Variants in SLC24A2 observed in about 807,000 individuals in gnomAD.
SLC24A2 encodes solute carrier family 24 member 2.
In SLC24A2, 36 loss-of-function variants were observed where a neutral mutation model predicts 62.0. The observed-to-expected ratio is 0.58, with a 90% CI of 0.44 to 0.77. The LOEUF (loss-of-function observed/expected upper bound fraction) is 0.77. Among genes scored for constraint, SLC24A2 ranks in the 30% least tolerant of loss-of-function variants. The probability of loss-of-function intolerance (pLI) is 0.00; values close to 1 mark genes in which losing one functional copy is unlikely to be tolerated. For synonymous variants in SLC24A2, 358 were observed against 294.0 expected (o/e 1.22, Z -2.23); for missense variants, 846 against 817.9 (o/e 1.03, Z -0.42).
At chr9:19,815,396 T>C in the SLC24A2 span, among the ~76,000 whole-genome samples, 1 of 152,178 alleles carries the variant, frequency 6.6e-6, no homozygotes, top group East Asian at 1.9e-4. Flanking sequence ...AGATTTTGTG[T>C]TCATTGGATG....
At chr9:20,156,954 G>A in the SLC24A2 span, among the ~76,000 whole-genome samples, 1 of 151,752 alleles carries the variant, frequency 6.6e-6, no homozygotes, top group Non-Finnish European at 1.5e-5. Context: ...TTCCAATTAA[G>A]AGTGGTTATC....
Position 19,786,790 on chromosome 9 carries a change from C to A in SLC24A2, c.77G>T (p.Arg26Ile). 6.2e-7 allele frequency: 1 copy of A among 1,608,648 alleles called. No individual in the cohort carries two copies. The highest frequency in any genetic ancestry group is 1.1e-5 in the South Asian group (1 of 90,038). Reference protein sequence around the residue: ...CLDESLSGCRRHYSVKKKLKL... With the variant: ...CLDESLSGCRIHYSVKKKLKL... ...CAGTTTTTTCTTGACACTATAATGT[C>A]TTCTGCAGCCAGACAGTGACTCATC... Residue 26 changes from arginine (R) to isoleucine (I), a missense_variant, in exon 2 of 11, where the codon AGA becomes ATA. Physicochemically the swap from Arg to Ile is moderately conservative, Grantham distance 97. Coordinates refer to ENST00000341998, the MANE Select transcript of SLC24A2 (RefSeq NM_020344.4). The surrounding 1 kb of genome is among the most constrained non-coding windows in gnomAD (Gnocchi z 5.0).
the SLC24A2 span, among the ~76,000 whole-genome samples, chr9:20,112,402 A>T: frequency 2.0e-5 from 3 of 152,234 alleles, no homozygotes; most frequent in Non-Finnish European, 4.4e-5. Flanking sequence ...ATGTATGCAG[A>T]TAGACTTAAA....
intron 2 of SLC24A2, among the ~76,000 whole-genome samples, chr9:19,739,497 A>C (rs2118757947): frequency 6.6e-6 from 1 of 152,344 alleles, no homozygotes; most frequent in African/African-American, 2.4e-5. Flanking sequence ...AAACAGAGAA[A>C]CCAGAAACAA....
the SLC24A2 span, among the ~76,000 whole-genome samples, chr9:20,176,464 G>A: frequency 6.6e-6 from 1 of 151,966 alleles, no homozygotes; most frequent in Non-Finnish European, 1.5e-5. Context: ...TAAAGGTTTT[G>A]GAGAGTAATA....
intron 2 of SLC24A2, among the ~76,000 whole-genome samples, chr9:19,740,504 G>A (rs1821641966): frequency 6.6e-6 from 1 of 152,152 alleles, no homozygotes; most frequent in Non-Finnish European, 1.5e-5. Context: ...ATCCACATAT[G>A]CAAAGTTCAC....
intron 2 of SLC24A2, among the ~76,000 whole-genome samples, chr9:19,629,853 G>A (rs368467906): frequency 6.6e-6 from 1 of 152,182 alleles, no homozygotes; most frequent in African/African-American, 2.4e-5. Flanking sequence ...GGTGTTTAAA[G>A]CTTCAGTGGG....
At chr9:19,884,833 G>A in the SLC24A2 span, among the ~76,000 whole-genome samples, 1 of 152,282 alleles carries the variant, frequency 6.6e-6, no homozygotes, top group East Asian at 1.9e-4. Context: ...TAAGTACCCT[G>A]AGCATGTTTA....
chr9:20,017,004 A>T, the SLC24A2 span, among the ~76,000 whole-genome samples: 1 of 152,224 alleles, frequency 6.6e-6, no homozygotes, highest in East Asian at 1.9e-4. Context: ...AAATAAAAAT[A>T]AATTAATCCT....
At chr9:20,182,381 A>C in the SLC24A2 span, among the ~76,000 whole-genome samples, 1 of 152,266 alleles carries the variant, frequency 6.6e-6, no homozygotes, top group East Asian at 1.9e-4. Flanking sequence ...ACTTGGAACC[A>C]ACCTAAATGT....
At chr9:19,904,530 T>G in the SLC24A2 span, among the ~76,000 whole-genome samples, 1 of 152,182 alleles carries the variant, frequency 6.6e-6, no homozygotes, top group Non-Finnish European at 1.5e-5. Context: ...AAACTAAATT[T>G]TCTTTGCCCA....
chr9:20,111,684 T>G, the SLC24A2 span, among the ~76,000 whole-genome samples: 6 of 152,076 alleles, frequency 3.9e-5, no homozygotes, highest in Non-Finnish European at 8.8e-5. Context: ...CCCAAAGGAC[T>G]GGGATGGACA....
intron 8 of SLC24A2, among the ~76,000 whole-genome samples, chr9:19,541,925 C>T (rs1407094386): frequency 6.6e-6 from 1 of 152,208 alleles, no homozygotes; most frequent in African/African-American, 2.4e-5. Context: ...GTTTTTCAAG[C>T]CGGTCTGAAA....
In SLC24A2 at chr9:19,550,218, T is replaced by C. The variant is rs1466843895; in HGVS notation, c.1398A>G (p.Glu466=). The C allele has an allele frequency of 6.2e-7, 1 of 1,614,136 alleles. No homozygotes were observed. Among genetic ancestry groups the C allele is most frequent in the Non-Finnish European group, 8.5e-7 (1 of 1,180,004 alleles). The stretch of plus-strand genomic sequence containing the variant: ...TCAGAAACGTGACTTGCTTGCGGGT[T>C]TCAGAAGGCCAGGCAAGGCTGAGAG... ...DQPLSLAWPS[E]TRKQVTFLIV... Residue 466 remains glutamate, a synonymous_variant, in exon 8 of 11, where the codon GAA becomes GAG. Transcript: ENST00000341998.
chr9:20,190,181 G>A, the SLC24A2 span, among the ~76,000 whole-genome samples: 1 of 152,158 alleles, frequency 6.6e-6, no homozygotes, highest in Admixed American at 6.5e-5. Flanking sequence ...TGCTCTGCTG[G>A]TATCTTTGTT....
intron 2 of SLC24A2, among the ~76,000 whole-genome samples, chr9:19,691,449 G>A (rs1329939404): frequency 2.0e-5 from 3 of 152,112 alleles, no homozygotes. Context: ...AGGGCTCAAG[G>A]TGACTGAAGA....
chr9:19,996,703 C>T, the SLC24A2 span, among the ~76,000 whole-genome samples: 36 of 144,722 alleles, frequency 2.5e-4, no homozygotes, highest in Middle Eastern at 3.8e-3. Flanking sequence ...GATGGTGCCA[C>T]TGCACCACTC....
chr9:19,710,420 C>A (rs113282047), intron 2 of SLC24A2, among the ~76,000 whole-genome samples: 1 of 151,930 alleles, frequency 6.6e-6, no homozygotes, highest in East Asian at 1.9e-4. Context: ...GGGGTGGTGG[C>A]GGTAAAGAAG....
At chr9:20,042,006 A>G in the SLC24A2 span, among the ~76,000 whole-genome samples, 3 of 152,164 alleles carry the variant, frequency 2.0e-5, no homozygotes, top group Non-Finnish European at 4.4e-5. Context: ...ACAAAGGAGA[A>G]GAGTCTGGCA....
Sources: allele counts gnomAD v4.1 joint callset (sites outside exome capture counted in the v4.1 genomes callset), GRCh38; gene constraint gnomAD v4.1.1; non-coding constraint Gnocchi (gnomAD v3.1); transcripts MANE v1.5; gene names NCBI Gene and HGNC (gene_info 2026-07-23, HGNC 2026-07-21).